The following SLIT2 variants were observed in gnomAD, a reference collection of about 807,000 sequenced individuals.
SLIT2 encodes the protein slit homolog 2 protein.
SLIT2 carries 41 observed loss-of-function variants against 185.7 expected under a neutral mutation model. The ratio of observed to expected loss-of-function variants is 0.22; its 90% CI spans 0.17 to 0.29. SLIT2 has a LOEUF of 0.29. Among genes scored for constraint, SLIT2 ranks in the 10% least tolerant of loss-of-function variants. SLIT2 has a pLI of 1.00. For synonymous variants in SLIT2, 693 were observed against 680.2 expected (o/e 1.02, Z -0.29); for missense variants, 1,571 against 1,909.0 (o/e 0.82, Z 3.30).
chr4:20,469,280 T>C (rs1167641825), intron 5 of SLIT2, among the ~76,000 whole-genome samples: 1 of 152,148 alleles, frequency 6.6e-6, no homozygotes, highest in Non-Finnish European at 1.5e-5. Context: ...CCCTTAGTAA[T>C]GCTATTTGCA....
chr4:20,364,355 C>T, intron 4 of SLIT2: 1 of 788,762 alleles, frequency 1.3e-6, no homozygotes, highest in Non-Finnish European at 1.5e-6. Context: ...CTGGACAGTT[C>T]ACCCATTAGC....
chr4:20,438,463 A>G (rs117851573), intron 4 of SLIT2, among the ~76,000 whole-genome samples: 1 of 152,270 alleles, frequency 6.6e-6, no homozygotes, highest in East Asian at 1.9e-4. Context: ...AGACCCATTC[A>G]CAATCATGAA....
At chr4:20,535,554 G>A (rs902219523) in intron 18 of SLIT2, among the ~76,000 whole-genome samples, 3 of 151,982 alleles carry the variant, frequency 2.0e-5, no homozygotes, top group African/African-American at 7.3e-5. Flanking sequence ...GTCTTCAGGC[G>A]GCCATAATGA....
At chr4:20,555,908 TTG>T (rs957665681) in intron 26 of SLIT2, among the ~76,000 whole-genome samples, 9 of 151,906 alleles carry the variant, frequency 5.9e-5, no homozygotes, top group Admixed American at 5.9e-4. Context: ...CCCCAGAAAA[TTG>T]TGTCATTTTT....
intron 33 of SLIT2, among the ~76,000 whole-genome samples, chr4:20,607,008 C>G (rs1000413277): frequency 6.6e-6 from 1 of 152,184 alleles, no homozygotes; most frequent in Non-Finnish European, 1.5e-5. Context: ...GACAACCTGG[C>G]TTCAGAACTG....
rs2148948283 is a variant in SLIT2 at position 20,589,635 on chromosome 4, C to T, written c.3089-9C>T. 1 of 1,610,354 alleles carries T rather than the reference C, an allele frequency of 6.2e-7. No individual in the cohort carries two copies. Among genetic ancestry groups the T allele is most frequent in the Non-Finnish European group, 8.5e-7 (1 of 1,176,794 alleles). On this transcript the variant is annotated splice_polypyrimidine_tract_variant and intron_variant, in intron 29 of 36. Transcript: ENST00000504154. ...TTTCTATGAGCTAACACTGTTTGCC[C>T]TGTTGCAGGTGAGTTGTGTGAGGAG...
rs954708363 is a variant in SLIT2, at chr4:20,254,408, G to A, written c.179+414G>A. ...GTTTCAGAGCCCAGTCCTCGCTCTT[G>A]TCGCAGGCTGGCGCGGAGGGGATAG... On this transcript the variant is annotated intron_variant, in intron 1 of 36. Coordinates refer to ENST00000504154, the MANE Select transcript of SLIT2 (RefSeq NM_004787.4). The surrounding 1 kb of genome is among the most constrained non-coding windows in gnomAD (Gnocchi z 5.1). Among the ~76,000 whole-genome samples, 1 of 152,180 alleles carries A rather than the reference G, an allele frequency of 6.6e-6. No individual in the cohort carries two copies. Among genetic ancestry groups the A allele is most frequent in the Non-Finnish European group, 1.5e-5 (1 of 68,032 alleles).
At chr4:20,560,540 G>C (rs76773627) in intron 26 of SLIT2, among the ~76,000 whole-genome samples, 1 of 151,816 alleles carries the variant, frequency 6.6e-6, no homozygotes, top group East Asian at 1.9e-4. Context: ...ATAAGATGAC[G>C]TTAGAGTGAT....
intron 4 of SLIT2, among the ~76,000 whole-genome samples, chr4:20,384,173 G>A (rs1234538166): frequency 6.6e-6 from 1 of 151,820 alleles, no homozygotes; most frequent in East Asian, 1.9e-4. Context: ...GTAAGCAAAT[G>A]TGATATGTAT....
chr4:20,589,523 C>G, intron 29 of SLIT2, 121 bp from the exon 30 acceptor site: 25 of 741,742 alleles, frequency 3.4e-5, no homozygotes, highest in East Asian at 2.7e-5. Flanking sequence ...GGGTTTTTTG[C>G]TTTGTTTTGT....
Position 20,539,429 on chromosome 4 carries a change from T to A in SLIT2, c.1833-12T>A, listed in dbSNP as rs188046129. On this transcript the variant is annotated splice_polypyrimidine_tract_variant and intron_variant, in intron 18 of 36. Transcript: ENST00000504154. ...CTTTGTCTCCATAACAATGTCCTTT[T>A]TTTCCCCTCAGGATGTTGAGAAGCA... The A allele has an allele frequency of 6.2e-7, 1 of 1,607,420 alleles. No homozygotes were observed. The highest frequency in any genetic ancestry group is 1.3e-5 in the African/African-American group (1 of 74,706).
At chr4:20,446,871 A>G (rs939476766) in intron 4 of SLIT2, among the ~76,000 whole-genome samples, 2 of 152,234 alleles carry the variant, frequency 1.3e-5, no homozygotes, top group Non-Finnish European at 2.9e-5. Context: ...TGTTGTAGCA[A>G]ATGAGATAAT....
intron 29 of SLIT2, 112 bp downstream of exon 29, chr4:20,569,116 T>A: frequency 1.1e-6 from 1 of 907,560 alleles, no homozygotes; most frequent in Non-Finnish European, 1.7e-6. Flanking sequence ...AAATGGTAGG[T>A]GTCTTGAAAA....
At chr4:20,410,075 G>C (rs1727096788) in intron 4 of SLIT2, among the ~76,000 whole-genome samples, 1 of 152,044 alleles carries the variant, frequency 6.6e-6, no homozygotes, top group South Asian at 2.1e-4. Context: ...AGTTGAATTA[G>C]ATCCCATTTG....
intron 4 of SLIT2, among the ~76,000 whole-genome samples, chr4:20,298,999 T>A (rs897211800): frequency 6.6e-6 from 1 of 152,218 alleles, no homozygotes; most frequent in Non-Finnish European, 1.5e-5. Context: ...TAATTTGACA[T>A]TTATCTGTCA....
At position 20,251,923 on chromosome 4, in the gene SLIT2, G is replaced by A. The variant is rs1218029653; in HGVS notation, c.-1893G>A. ...ACTTCGGACTTGGTGTTATTTATTTGGGAAGCGCCCGGACGGCGGAGCTTG... is the reference window on the plus strand; with the variant it reads ...ACTTCGGACTTGGTGTTATTTATTTAGGAAGCGCCCGGACGGCGGAGCTTG... On this transcript the variant is annotated 5_prime_UTR_variant, in exon 1 of 37. Transcript: ENST00000504154. Among the ~76,000 whole-genome samples the A allele has an allele frequency of 6.6e-6, 1 of 152,146 alleles. No homozygotes were observed. The highest frequency in any genetic ancestry group is 2.4e-5 in the African/African-American group (1 of 41,454).
Position 20,297,851 on chromosome 4 carries a change from A to G in SLIT2, c.395+28970A>G, listed in dbSNP as rs1002631679. 2.0e-5 allele frequency among the ~76,000 whole-genome samples: 3 copies of G among 152,190 alleles called. No individual in the cohort carries two copies. In the South Asian group the frequency reaches 6.2e-4, roughly 32 times the overall value. On this transcript the variant is annotated intron_variant, in intron 4 of 36. Transcript: ENST00000504154. Reference sequence around the variant, plus strand: ...AACGGATACCCTGTCTTCATAATGTATCTCATAAAAGTTTTAATACCAGTG... The same window carrying G: ...AACGGATACCCTGTCTTCATAATGTGTCTCATAAAAGTTTTAATACCAGTG...
chr4:20,367,653 A>G (rs1034799454), intron 4 of SLIT2, among the ~76,000 whole-genome samples: 2 of 152,092 alleles, frequency 1.3e-5, no homozygotes, highest in Admixed American at 6.6e-5. Flanking sequence ...TTTAGCATTT[A>G]TTTCTCCTGG....
intron 4 of SLIT2, among the ~76,000 whole-genome samples, chr4:20,284,531 C>T (rs555524621): frequency 7.2e-5 from 11 of 152,222 alleles, no homozygotes; most frequent in Admixed American, 1.3e-4. Flanking sequence ...GGTAAATAAG[C>T]GAAAGACAGC....
Sources: allele counts gnomAD v4.1 joint callset (sites outside exome capture counted in the v4.1 genomes callset), GRCh38; gene constraint gnomAD v4.1.1; non-coding constraint Gnocchi (gnomAD v3.1); transcripts MANE v1.5; gene names NCBI Gene and HGNC (gene_info 2026-07-23, HGNC 2026-07-21).